Variants in PGPEP1L observed in about 807,000 individuals in gnomAD.
PGPEP1L encodes pyroglutamyl-peptidase 1-like protein.
A neutral mutation model predicts 6.0 loss-of-function variants in PGPEP1L; 7 were observed. The ratio of observed to expected loss-of-function variants is 1.17; its 90% confidence interval spans 0.66 to 2.19. The LOEUF is 2.19. Among genes scored for constraint, PGPEP1L ranks in the 30% most tolerant of loss-of-function variants. PGPEP1L has a pLI of 0.00. For missense variants in PGPEP1L, 209 were observed against 192.5 expected, an observed-to-expected ratio of 1.09 and a Z score of -0.51; for synonymous variants, 103 against 83.9, an observed-to-expected ratio of 1.23 and a Z score of -1.24.
chr15:98,971,183 G>A (rs751529279), intron 2 of PGPEP1L, 25 bp from the exon 3 acceptor site: 2 of 1,234,770 alleles, frequency 1.6e-6, no homozygotes, highest in East Asian at 2.9e-5. Flanking sequence ...AGGTGGACTT[G>A]CCTCAGTTGA....
intron 2 of PGPEP1L, among the ~76,000 whole-genome samples, chr15:98,980,142 C>T (rs2017636614): frequency 6.6e-6 from 1 of 152,184 alleles, no homozygotes; most frequent in South Asian, 2.1e-4. Context: ...AGAACTTACT[C>T]ATGTGACCAA....
intron 2 of PGPEP1L, among the ~76,000 whole-genome samples, chr15:98,975,720 A>C (rs953124289): frequency 2.6e-5 from 4 of 152,130 alleles, no homozygotes; most frequent in African/African-American, 9.7e-5. Context: ...GTCTCTACTG[A>C]AAATACAAAA....
At position 98,968,463 on chromosome 15, in the gene PGPEP1L, G is replaced by A. The variant is rs1191483722; in HGVS notation, c.*15C>T. On this transcript the variant is annotated 3_prime_UTR_variant, in exon 5 of 5. Coordinates refer to ENST00000535714, the MANE Select transcript of PGPEP1L (RefSeq NM_001167902.2). ...ATTGAAACATTCAATTTTCTCTAGA[G>A]GAGCAATCCCCCGGTCAGTTCCCTT... is the stretch of plus-strand genomic sequence containing the variant. 3.1e-6 allele frequency: 5 copies of A among 1,608,222 alleles called. No individual in the cohort carries two copies. The highest frequency in any genetic ancestry group is 1.1e-5 in the South Asian group (1 of 89,686).
rs868915351 is a variant in PGPEP1L at position 99,004,174 on chromosome 15, G to A, written c.-142+1255C>T. Among the ~76,000 whole-genome samples the A allele has an allele frequency of 3.9e-3, 575 of 149,244 alleles. 2 individuals are homozygous for A. Among genetic ancestry groups the A allele is most frequent in the African/African-American group, 0.013 (528 of 40,178 alleles). ...TCCCTGCATTTTGGGAGGCCAAGGCGGGAGGATCACTTCAGCCCGGGAGTT... is the reference window on the plus strand; with the variant it reads ...TCCCTGCATTTTGGGAGGCCAAGGCAGGAGGATCACTTCAGCCCGGGAGTT... On this transcript the variant is annotated intron_variant, in intron 2 of 4. Transcript: ENST00000535714.
intron 2 of PGPEP1L, among the ~76,000 whole-genome samples, chr15:99,003,181 C>A (rs1438252272): frequency 3.6e-5 from 5 of 137,214 alleles, no homozygotes; most frequent in African/African-American, 5.9e-5. Flanking sequence ...AAAAAAAGGG[C>A]AGTTATAGAA....
intron 4 of PGPEP1L, among the ~76,000 whole-genome samples, chr15:98,968,997 A>G (rs898713933): frequency 5.3e-5 from 8 of 152,124 alleles, no homozygotes; most frequent in East Asian, 1.9e-4. Flanking sequence ...TCACTTACTC[A>G]TTCATTCACT....
chr15:98,977,462 T>A (rs1441247654), intron 2 of PGPEP1L, among the ~76,000 whole-genome samples: 1 of 152,252 alleles, frequency 6.6e-6, no homozygotes, highest in Non-Finnish European at 1.5e-5. Flanking sequence ...TTTAGAAGTA[T>A]CTTGTTTGGT....
chr15:99,001,679 G>A (rs1043142257), intron 2 of PGPEP1L, among the ~76,000 whole-genome samples: 5 of 143,408 alleles, frequency 3.5e-5, no homozygotes, highest in Non-Finnish European at 7.6e-5. Flanking sequence ...AAAAGGACAT[G>A]TACTGTATGA....
At chr15:98,970,873 C>A (rs1283668727) in intron 3 of PGPEP1L, among the ~76,000 whole-genome samples, 163 bp downstream of exon 3, 1 of 152,184 alleles carries the variant, frequency 6.6e-6, no homozygotes, top group African/African-American at 2.4e-5. Flanking sequence ...CTTTTACAAA[C>A]AGACCCAGAA....
chr15:98,974,587 A>T (rs1197912886), intron 2 of PGPEP1L, among the ~76,000 whole-genome samples: 2 of 151,720 alleles, frequency 1.3e-5, no homozygotes, highest in Non-Finnish European at 2.9e-5. Context: ...TACCAATTCT[A>T]CTCAACTATT....
intron 2 of PGPEP1L, among the ~76,000 whole-genome samples, chr15:98,974,809 T>C (rs908687551): frequency 6.6e-6 from 1 of 152,144 alleles, no homozygotes; most frequent in South Asian, 2.1e-4. Flanking sequence ...GGCAGGAGAA[T>C]TGCTTGAACC....
chr15:98,985,634 G>C (rs935869710), intron 2 of PGPEP1L, among the ~76,000 whole-genome samples: 1 of 152,208 alleles, frequency 6.6e-6, no homozygotes, highest in Non-Finnish European at 1.5e-5. Flanking sequence ...CAGGAGAAGA[G>C]CGCAAGTGGG....
rs568793204 is a variant in PGPEP1L, at chr15:98,979,633, C to CTTTTTTTTTT, written c.-141-8485_-141-8476dup. Among the ~76,000 whole-genome samples, 80 of 46,492 alleles carry CTTTTTTTTTT rather than the reference C, an allele frequency of 1.7e-3. 4 individuals are homozygous for CTTTTTTTTTT. Among genetic ancestry groups the CTTTTTTTTTT allele is most frequent in the Non-Finnish European group, 2.7e-3 (57 of 21,258 alleles). The allele number at this position is 46,492 out of a possible 152,430, so 30.5% of individuals were successfully genotyped here. A position where few individuals can be genotyped will look rare whatever the true frequency, so the allele number is the denominator to read the frequency against. ...AACCTGGATGGGATTGGAGACTATT[C>CTTTTTTTTTT]TTTTTTTTTTTTTTTTTTTTTTTTT... On this transcript the variant is annotated intron_variant, in intron 2 of 4. Transcript: ENST00000535714.
chr15:98,970,721 T>G (rs1243866898), intron 3 of PGPEP1L, among the ~76,000 whole-genome samples: 1 of 152,110 alleles, frequency 6.6e-6, no homozygotes, highest in Admixed American at 6.6e-5. Context: ...CCCTCATGGG[T>G]ATGTGTGGGG....
intron 2 of PGPEP1L, among the ~76,000 whole-genome samples, chr15:98,972,414 T>C (rs180675273): frequency 2.0e-5 from 3 of 151,360 alleles, no homozygotes; most frequent in East Asian, 3.9e-4. Flanking sequence ...ATAAAAACAT[T>C]CTACTAGAGA....
intron 2 of PGPEP1L, among the ~76,000 whole-genome samples, chr15:99,002,351 T>G (rs1431924505): frequency 1.3e-5 from 2 of 152,188 alleles, no homozygotes; most frequent in Non-Finnish European, 2.9e-5. Context: ...AGACTAATGG[T>G]TGCCAGGTGT....
In PGPEP1L at chr15:98,968,494, G is replaced by A; in HGVS notation, c.413C>T (p.Pro138Leu). The change falls in exon 5 of 5, where the codon CCA becomes CTA. Residue 138 changes from proline to leucine, a missense_variant. Transcript: ENST00000535714. ...QFEENSTMVL[P>L]AKGN is the part of the protein sequence containing the mutation. ...ATCCCCCGGTCAGTTCCCTTTGGCT[G>A]GAAGGACCATGGTTGAGTTTTCTTC... 6.2e-7 allele frequency: 1 copy of A among 1,613,362 alleles called. No individual in the cohort carries two copies. The highest frequency in any genetic ancestry group is 2.2e-5 in the East Asian group (1 of 44,872).
intron 2 of PGPEP1L, among the ~76,000 whole-genome samples, chr15:98,979,630 A>ATTTTTTTTTTTTTTTTT (rs1882033817): frequency 9.4e-6 from 1 of 105,926 alleles, no homozygotes. Flanking sequence ...ATTGGAGACT[A>ATTTTTTTTTTTTTTTTT]TTCTTTTTTT....
chr15:99,006,866 G>A (rs1449064085), intron 1 of PGPEP1L, among the ~76,000 whole-genome samples: 9 of 152,122 alleles, frequency 5.9e-5, no homozygotes, highest in East Asian at 3.9e-4. Context: ...TTAAGAGGAA[G>A]AAGACCCATG....
Sources: allele counts gnomAD v4.1 joint callset (sites outside exome capture counted in the v4.1 genomes callset), GRCh38; gene constraint gnomAD v4.1.1; transcripts MANE v1.5; gene names NCBI Gene and HGNC (gene_info 2026-07-23, HGNC 2026-07-21).